CD164: variants seen among roughly 807,000 people sequenced by gnomAD.
CD164 encodes sialomucin core protein 24.
A neutral mutation model predicts 24.6 loss-of-function variants in CD164; 11 were observed. The observed-to-expected ratio is 0.45, with a 90% confidence interval of 0.28 to 0.74. The LOEUF (loss-of-function observed/expected upper bound fraction) is 0.74, where lower values mean the gene tolerates loss of function less well. Ranked by LOEUF, CD164 falls within the 30% of genes least tolerant of loss-of-function variation. The pLI, the probability that CD164 is intolerant of heterozygous loss-of-function variation, is 0.13. For missense variants in CD164, 295 were observed against 243.7 expected, an observed-to-expected ratio of 1.21 and a Z score of -1.40; for synonymous variants, 126 against 100.3, an observed-to-expected ratio of 1.26 and a Z score of -1.53.
Position 109,368,767 on chromosome 6 carries a change from T to C in CD164, c.*84A>G, listed in dbSNP as rs1471777114. 1.2e-5 allele frequency: 18 copies of C among 1,505,108 alleles called. No individual in the cohort carries two copies. Among genetic ancestry groups the C allele is most frequent in the Admixed American group, 2.5e-5 (1 of 40,732 alleles). The allele number at this position is 1,505,108 out of a possible 1,614,324, so 93.2% of individuals were successfully genotyped here. On this transcript the variant is annotated 3_prime_UTR_variant, in exon 6 of 6. Transcript: ENST00000310786. ...AAAGATCCTGGAATAGCGTCTTCCA[T>C]GTGGGACATCTTAAAAGATAGTATT... is the stretch of plus-strand genomic sequence containing the variant.
chr6:109,379,595 A>G lies in CD164; in HGVS notation c.243T>C (p.Phe81=). ...GTTTCTTACCTTTACATTCTATCCA[A>G]AAGCAGGTAGTATTAACAACGCTAA... The part of the protein sequence containing the change: ...FNVSVVNTTC[F]WIECKDESYC... The change falls in exon 2 of 6, where the codon TTT becomes TTC. Residue 81 remains phenylalanine, a synonymous_variant. Coordinates refer to ENST00000310786, the MANE Select transcript of CD164 (RefSeq NM_006016.6). The G allele has an allele frequency of 1.2e-6, 2 of 1,612,970 alleles. No individual in the cohort carries two copies. Among genetic ancestry groups the G allele is most frequent in the Non-Finnish European group, 1.7e-6 (2 of 1,179,560 alleles).
chr6:109,368,568 T>C lies in CD164; in HGVS notation c.*283A>G, dbSNP rs554105610. 2.2e-6 allele frequency: 3 copies of C among 1,337,052 alleles called. No homozygotes were observed. The highest frequency in any genetic ancestry group is 4.3e-5 in the South Asian group (2 of 46,618). 82.8% of individuals were successfully genotyped at this position (1,337,052 alleles called of 1,614,324 possible). A position where few individuals can be genotyped will look rare whatever the true frequency, so the allele number is the denominator to read the frequency against. On this transcript the variant is annotated 3_prime_UTR_variant, in exon 6 of 6. Transcript: ENST00000310786. ...ATTTTCCATCACTTTCAGAAAGTTATATTTGGCATGTTAAGGAAAAAAAAT... is the reference window on the plus strand; with the variant it reads ...ATTTTCCATCACTTTCAGAAAGTTACATTTGGCATGTTAAGGAAAAAAAAT...
intron 4 of CD164, among the ~76,000 whole-genome samples, chr6:109,374,704 T>C (rs930025455): frequency 6.6e-6 from 1 of 152,204 alleles, no homozygotes; most frequent in East Asian, 1.9e-4. Context: ...CAACTGGTGA[T>C]GGACCAGCTT....
chr6:109,373,062 A>C (rs3799837), intron 4 of CD164, among the ~76,000 whole-genome samples: 2 of 152,176 alleles, frequency 1.3e-5, no homozygotes, highest in Non-Finnish European at 2.9e-5. Flanking sequence ...AAATAATAAT[A>C]ATCATAAGTT....
chr6:109,375,617 C>CAAAAAAAAAAAAAAAAAAAAAAAAAA (rs58138405), intron 4 of CD164, among the ~76,000 whole-genome samples: 10 of 71,374 alleles, frequency 1.4e-4, no homozygotes, highest in South Asian at 5.5e-4. Context: ...ACTTCGCTTC[C>CAAAAAAAAAAAAAAAAAAAAAAAAAA]AAAAAAAAAA....
chr6:109,371,696 G>T (rs891937624), intron 4 of CD164: 4 of 153,726 alleles, frequency 2.6e-5, no homozygotes, highest in African/African-American at 9.7e-5. Flanking sequence ...TTCAAAGTTT[G>T]CTGGAGCATT....
intron 4 of CD164, among the ~76,000 whole-genome samples, chr6:109,375,635 A>C (rs1179944632): frequency 6.6e-6 from 1 of 151,862 alleles, no homozygotes; most frequent in Non-Finnish European, 1.5e-5. Context: ...AAAAAAGAAA[A>C]GAAAAAAAGA....
intron 3 of CD164, among the ~76,000 whole-genome samples, chr6:109,377,304 A>T (rs1382922987): frequency 6.6e-6 from 1 of 152,234 alleles, no homozygotes; most frequent in African/African-American, 2.4e-5. Context: ...CTGCACAAAA[A>T]TCTTTTTCCT....
chr6:109,380,221 A>G (rs1562244000), intron 1 of CD164: 1 of 152,284 alleles, frequency 6.6e-6, no homozygotes, highest in Non-Finnish European at 1.5e-5. Flanking sequence ...TGGAGACAAC[A>G]TCTAAAAGCC....
At chr6:109,379,725 G>T in intron 1 of CD164, 63 bp from the exon 2 acceptor site, 1 of 1,220,198 alleles carries the variant, frequency 8.2e-7, no homozygotes, top group Non-Finnish European at 1.2e-6. Flanking sequence ...ATTTGAATCT[G>T]TATTACTTAT....
chr6:109,368,341 C>G lies in CD164; in HGVS notation c.*510G>C, dbSNP rs1770885020. The G allele has an allele frequency of 6.5e-7, 1 of 1,532,952 alleles. No individual in the cohort carries two copies. 95.0% of individuals were successfully genotyped at this position (1,532,952 alleles called of 1,614,324 possible). A position where few individuals can be genotyped will look rare whatever the true frequency, so the allele number is the denominator to read the frequency against. ...CATCTTATTTCTAATGTAGAAAAAA[C>G]AGCTGTTATCAAGCACAAAATTTTA... is the stretch of plus-strand genomic sequence containing the variant. On this transcript the variant is annotated 3_prime_UTR_variant, in exon 6 of 6. Coordinates refer to ENST00000310786, the MANE Select transcript of CD164 (RefSeq NM_006016.6).
rs1416739647 is a variant in CD164, at chr6:109,370,750, T to C, written c.371-283A>G. Reference sequence around the variant, plus strand: ...TCTGGATAAAATTTGCGAAAACTCTTATCTTGCTCACTGCCAAGGGCAAGA... The same window carrying C: ...TCTGGATAAAATTTGCGAAAACTCTCATCTTGCTCACTGCCAAGGGCAAGA... On this transcript the variant is annotated intron_variant, in intron 4 of 5. Transcript: ENST00000310786. The C allele has an allele frequency of 3.4e-5, 10 of 294,724 alleles. No individual in the cohort carries two copies. The South Asian group carries it at 3.7e-4, about 11-fold the overall frequency. 18.3% of individuals were successfully genotyped at this position (294,724 alleles called of 1,614,324 possible).
intron 1 of CD164, 43 bp from the exon 2 acceptor site, chr6:109,379,705 TTA>T: frequency 7.1e-7 from 1 of 1,411,790 alleles, no homozygotes; most frequent in Non-Finnish European, 1.0e-6. Flanking sequence ...AATGATTTTA[TTA>T]GTATCTTATT....
At position 109,379,604 on chromosome 6, in the gene CD164, A is replaced by G. The variant is rs775489625; in HGVS notation, c.234T>C (p.Thr78=). ...VSCFNVSVVN[T]TCFWIECKDE... Reference sequence around the variant, plus strand: ...CTTTACATTCTATCCAAAAGCAGGTAGTATTAACAACGCTAACATTAAAAC... The same window carrying G: ...CTTTACATTCTATCCAAAAGCAGGTGGTATTAACAACGCTAACATTAAAAC... Residue 78 remains threonine, a synonymous_variant, in exon 2 of 6, where the codon ACT becomes ACC. Coordinates refer to ENST00000310786, the MANE Select transcript of CD164 (RefSeq NM_006016.6). The G allele has an allele frequency of 6.2e-7, 1 of 1,613,386 alleles. No individual in the cohort carries two copies. The highest frequency in any genetic ancestry group is 1.1e-5 in the South Asian group (1 of 90,878).
intron 1 of CD164, 161 bp downstream of exon 1, chr6:109,382,043 G>A: frequency 1.9e-6 from 1 of 529,734 alleles, no homozygotes; most frequent in Non-Finnish European, 2.9e-6. Context: ...GCCACGAGTG[G>A]ACTCCAGGCT....
intron 5 of CD164, 129 bp downstream of exon 5, chr6:109,370,282 T>C (rs1771004471): frequency 6.9e-6 from 5 of 722,744 alleles, no homozygotes; most frequent in African/African-American, 5.4e-5. Flanking sequence ...TGATCCCCCC[T>C]AAGAGTAAGA....
At position 109,376,105 on chromosome 6, in the gene CD164, C is replaced by T. The variant is rs373906087; in HGVS notation, c.339G>A (p.Thr113=). 5.6e-5 allele frequency: 87 copies of T among 1,561,358 alleles called. No individual in the cohort carries two copies. In the African/African-American group the frequency reaches 7.9e-4, roughly 14 times the overall value. Residue 113 remains threonine, a synonymous_variant, in exon 4 of 6, where the codon ACG becomes ACA. Transcript: ENST00000310786. ...AATTGGCTGTTGGCACTGGAGTGGCCGTGGAAACTATTAAAAAAAGAAAAA... is the reference window on the plus strand; with the variant it reads ...AATTGGCTGTTGGCACTGGAGTGGCTGTGGAAACTATTAAAAAAAGAAAAA... ...GNTTDFCSVS[T]ATPVPTANST... is the part of the protein sequence containing the mutation.
At chr6:109,370,501 C>A in intron 4 of CD164, 34 bp from the exon 5 acceptor site, 1 of 1,562,058 alleles carries the variant, frequency 6.4e-7, no homozygotes, top group South Asian at 1.1e-5. Flanking sequence ...TTTAAAAAAC[C>A]TTAAATTTCT....
In CD164 at chr6:109,382,412, A is replaced by G. The variant is rs769973062; in HGVS notation, c.-34T>C. 9 of 1,478,278 alleles carry G rather than the reference A, an allele frequency of 6.1e-6. No individual in the cohort carries two copies. The East Asian group carries it at 1.4e-4, about 22-fold the overall frequency. The allele number at this position is 1,478,278 out of a possible 1,614,324, so 91.6% of individuals were successfully genotyped here. A position where few individuals can be genotyped will look rare whatever the true frequency, so the allele number is the denominator to read the frequency against. ...CAGCGCTGGCGTTCGGGAGAAAGCT[A>G]AGGCTCGCAACGCTCAGTCAACCCC... On this transcript the variant is annotated 5_prime_UTR_variant, in exon 1 of 6. Transcript: ENST00000310786.
Sources: gnomAD v4.1 joint callset for allele counts (sites outside exome capture counted in the v4.1 genomes callset) on GRCh38, gnomAD v4.1.1 for gene constraint, MANE v1.5 for transcripts, NCBI Gene and HGNC (gene_info 2026-07-23, HGNC 2026-07-21) for gene names.